The following HNF4G variants were observed in gnomAD, a reference collection of about 807,000 sequenced individuals.
The protein encoded by HNF4G is hepatocyte nuclear factor 4 gamma.
A neutral mutation model predicts 50.9 loss-of-function variants in HNF4G; 21 were observed. That is an observed-to-expected ratio of 0.41 (90% CI 0.29 to 0.59). The LOEUF is 0.59. Ranked by LOEUF, HNF4G falls within the 20% of genes least tolerant of loss-of-function variation. HNF4G has a pLI of 0.26. For synonymous variants in HNF4G, 198 were observed against 185.6 expected, an observed-to-expected ratio of 1.07 and a Z score of -0.54; for missense variants, 527 against 559.4, an observed-to-expected ratio of 0.94 and a Z score of 0.58.
intron 2 of HNF4G, among the ~76,000 whole-genome samples, chr8:75,500,933 C>T (rs562373613): frequency 7.0e-4 from 107 of 151,974 alleles, no homozygotes; most frequent in Non-Finnish European, 1.3e-3. Flanking sequence ...AAATTAGAGA[C>T]TGGTAATGTT....
intron 2 of HNF4G, chr8:75,526,982 T>C (rs904505614): frequency 6.6e-6 from 1 of 152,176 alleles, no homozygotes; most frequent in African/African-American, 2.4e-5. Flanking sequence ...TTCACCGTTT[T>C]AGACAGGAGG....
Position 75,475,646 on chromosome 8 carries a change from C to G in HNF4G, c.-143-14443C>G, listed in dbSNP as rs146578142. 2.5e-3 allele frequency among the ~76,000 whole-genome samples: 383 copies of G among 152,216 alleles called. 2 individuals are homozygous for G. Among genetic ancestry groups the G allele is most frequent in the African/African-American group, 9.0e-3 (374 of 41,546 alleles). On this transcript the variant is annotated intron_variant, in intron 1 of 10. Coordinates refer to the HNF4G transcript ENST00000354370. ...TTTATTGAGCTTTTTTATTTTATGA[C>G]CCACTAATGGCTTATGGATCAGTTA...
intron 1 of HNF4G, among the ~76,000 whole-genome samples, chr8:75,542,128 T>C (rs1016890611): frequency 6.6e-6 from 1 of 151,838 alleles, no homozygotes; most frequent in African/African-American, 2.4e-5. Context: ...TAGTGAGACC[T>C]TGTCTCTACA....
intron 2 of HNF4G, among the ~76,000 whole-genome samples, chr8:75,513,839 G>A (rs1406354591): frequency 6.6e-6 from 1 of 150,802 alleles, no homozygotes; most frequent in African/African-American, 2.4e-5. Context: ...TTTTATTTCT[G>A]ATTTTATTAT....
chr8:75,440,197 A>G (rs1406272162), intron 1 of HNF4G, among the ~76,000 whole-genome samples: 1 of 152,212 alleles, frequency 6.6e-6, no homozygotes, highest in Admixed American at 6.5e-5. Context: ...TTACACAGAG[A>G]TTAAAATAGT....
intron 1 of HNF4G, among the ~76,000 whole-genome samples, chr8:75,410,244 A>C (rs1810469266): frequency 6.6e-6 from 1 of 152,148 alleles, no homozygotes; most frequent in Admixed American, 6.6e-5. Context: ...GGCACCAGGG[A>C]GATGTTTGAT....
chr8:75,487,724 G>A (rs914714365), intron 1 of HNF4G, among the ~76,000 whole-genome samples: 2 of 152,110 alleles, frequency 1.3e-5, no homozygotes, highest in Non-Finnish European at 2.9e-5. Context: ...TGCTAATTAA[G>A]ATGATCATTA....
At chr8:75,478,648 C>G (rs1169295645) in intron 1 of HNF4G, among the ~76,000 whole-genome samples, 1 of 152,160 alleles carries the variant, frequency 6.6e-6, no homozygotes, top group South Asian at 2.1e-4. Context: ...TATTCTTGCT[C>G]AAGCTAGTGT....
intron 5 of HNF4G, 123 bp downstream of exon 5, chr8:75,553,320 G>A: frequency 2.6e-6 from 2 of 778,226 alleles, no homozygotes; most frequent in Middle Eastern, 3.6e-4. Flanking sequence ...AGATAAATTA[G>A]GAGGAAGGAT....
intron 1 of HNF4G, among the ~76,000 whole-genome samples, chr8:75,450,391 A>G (rs956403791): frequency 3.3e-5 from 5 of 152,214 alleles, no homozygotes; most frequent in African/African-American, 1.2e-4. Context: ...TCAAATATTA[A>G]TAGCCTTAAG....
At chr8:75,509,571 T>C (rs1158641834) in intron 2 of HNF4G, among the ~76,000 whole-genome samples, 1 of 152,218 alleles carries the variant, frequency 6.6e-6, no homozygotes, top group Admixed American at 6.5e-5. Context: ...TGGAACTTTA[T>C]CTTCTGTCTC....
At chr8:75,483,544 C>G (rs545576909) in intron 1 of HNF4G, among the ~76,000 whole-genome samples, 1 of 152,208 alleles carries the variant, frequency 6.6e-6, no homozygotes, top group South Asian at 2.1e-4. Flanking sequence ...TACACTGCCC[C>G]CTGCATCTCA....
At chr8:75,505,968 T>C (rs1437107512) in intron 2 of HNF4G, among the ~76,000 whole-genome samples, 1 of 152,028 alleles carries the variant, frequency 6.6e-6, no homozygotes, top group Non-Finnish European at 1.5e-5. Context: ...AGTTCAAGAT[T>C]CTTGGGAGCA....
rs563704615 is a variant in HNF4G at position 75,448,280 on chromosome 8, T to C, written c.-144+40118T>C. Among the ~76,000 whole-genome samples, 5 of 89,392 alleles carry C rather than the reference T, an allele frequency of 5.6e-5. No individual in the cohort carries two copies. The East Asian group carries it at 1.8e-3, about 32-fold the overall frequency. 58.6% of individuals were successfully genotyped at this position (89,392 alleles called of 152,430 possible). The stretch of plus-strand genomic sequence containing the variant: ...GGGGAATACCACACTCTGGGGACTG[T>C]GGTGGGGTGGGGGGAGGGGGGAGGG... On this transcript the variant is annotated intron_variant, in intron 1 of 10. Transcript: ENST00000354370.
intron 2 of HNF4G, among the ~76,000 whole-genome samples, chr8:75,529,824 A>G (rs1806281883): frequency 6.6e-6 from 1 of 152,116 alleles, no homozygotes; most frequent in Non-Finnish European, 1.5e-5. Flanking sequence ...CACCTTTCTC[A>G]TCACAACATT....
chr8:75,426,059 A>C (rs1399509061), intron 1 of HNF4G, among the ~76,000 whole-genome samples: 1 of 152,244 alleles, frequency 6.6e-6, no homozygotes, highest in African/African-American at 2.4e-5. Context: ...GATAGATCAA[A>C]TAATTTAGAA....
At chr8:75,435,795 T>A (rs1811122079) in intron 1 of HNF4G, among the ~76,000 whole-genome samples, 1 of 152,142 alleles carries the variant, frequency 6.6e-6, no homozygotes, top group African/African-American at 2.4e-5. Context: ...GGTTTCTCCA[T>A]GTTAGCTAGG....
Position 75,429,525 on chromosome 8 carries a change from C to A in HNF4G, c.-144+21363C>A, listed in dbSNP as rs148212353. On this transcript the variant is annotated intron_variant, in intron 1 of 10. Coordinates refer to the HNF4G transcript ENST00000354370. ...ACCACAGGAATCTCTGACTCTAAATCCCACATAATGGAGGATTATTGGTTC... is the reference window on the plus strand; with the variant it reads ...ACCACAGGAATCTCTGACTCTAAATACCACATAATGGAGGATTATTGGTTC... Among the ~76,000 whole-genome samples, 65 of 152,266 alleles carry A rather than the reference C, an allele frequency of 4.3e-4. 1 individual carries two copies. Among genetic ancestry groups the A allele is most frequent in the African/African-American group, 1.4e-3 (60 of 41,562 alleles).
chr8:75,457,725 G>A (rs1054814932), intron 1 of HNF4G, among the ~76,000 whole-genome samples: 10 of 152,084 alleles, frequency 6.6e-5, no homozygotes, highest in East Asian at 1.9e-4. Flanking sequence ...CATCAGGGGC[G>A]GTGGGGGTGG....
Sources: gnomAD v4.1 joint callset for allele counts (sites outside exome capture counted in the v4.1 genomes callset) on GRCh38, gnomAD v4.1.1 for gene constraint, MANE v1.5 for transcripts, NCBI Gene and HGNC (gene_info 2026-07-23, HGNC 2026-07-21) for gene names.